Variants in TNR observed in about 807,000 individuals in gnomAD.
TNR encodes the protein tenascin-R.
Under a neutral mutation model 150.4 loss-of-function variants are expected in TNR, and 45 were observed. That is an observed-to-expected ratio of 0.30 (90% CI 0.24 to 0.38). TNR has a LOEUF of 0.38. TNR is among the 10% of genes least tolerant of loss of function. The pLI is 1.00. For synonymous variants in TNR, 687 were observed against 678.4 expected (o/e 1.01, Z -0.20); for missense variants, 1,544 against 1,759.1 (o/e 0.88, Z 2.19).
chr1:175,465,101 T>C (rs1308913406), intron 2 of TNR, among the ~76,000 whole-genome samples: 1 of 152,174 alleles, frequency 6.6e-6, no homozygotes, highest in Non-Finnish European at 1.5e-5. Context: ...CCAGGCATCA[T>C]GGAGAACTGA....
chr1:175,355,739 C>T (rs991108766), intron 16 of TNR, 106 bp from the exon 17 acceptor site: 84 of 1,491,166 alleles, frequency 5.6e-5, no homozygotes, highest in Non-Finnish European at 7.4e-5. Context: ...CTCAGGATTG[C>T]TCACATGCTG....
rs1339330356 is a variant in TNR at position 175,319,474 on chromosome 1, C to T, written c.*3883G>A. 1 of 152,210 alleles carries T rather than the reference C, an allele frequency of 6.6e-6. No individual in the cohort carries two copies. The highest frequency in any genetic ancestry group is 1.5e-5 in the Non-Finnish European group (1 of 68,040). 9.4% of individuals were successfully genotyped at this position (152,210 alleles called of 1,614,324 possible). A position where few individuals can be genotyped will look rare whatever the true frequency, so the allele number is the denominator to read the frequency against. On this transcript the variant is annotated 3_prime_UTR_variant, in exon 23 of 23. Transcript: ENST00000367674. Reference sequence around the variant, plus strand: ...ATGTGATTAGGATTGTTTGGTTTGGCATTGAGGTTATTGGCAACCATGGTT... The same window carrying T: ...ATGTGATTAGGATTGTTTGGTTTGGTATTGAGGTTATTGGCAACCATGGTT...
At chr1:175,720,183 G>C (rs1238952591) in intron 1 of TNR, among the ~76,000 whole-genome samples, 1 of 152,176 alleles carries the variant, frequency 6.6e-6, no homozygotes, top group Non-Finnish European at 1.5e-5. Context: ...AGGTCATAAG[G>C]GTAGGGCTCT....
At chr1:175,635,366 T>C (rs1387028502) in intron 1 of TNR, among the ~76,000 whole-genome samples, 2 of 152,248 alleles carry the variant, frequency 1.3e-5, no homozygotes, top group South Asian at 2.1e-4. Context: ...TCTAGTAGTT[T>C]GGAAATTCTC....
chr1:175,654,555 A>G (rs1418625997), intron 1 of TNR, among the ~76,000 whole-genome samples: 1 of 152,136 alleles, frequency 6.6e-6, no homozygotes, highest in Non-Finnish European at 1.5e-5. Context: ...CCCAAGACCC[A>G]GCAAAGCTGG....
At position 175,365,057 on chromosome 1, in the gene TNR, A is replaced by G; in HGVS notation, c.2540T>C (p.Val847Ala). 1 of 1,613,882 alleles carries G rather than the reference A, an allele frequency of 6.2e-7. No individual in the cohort carries two copies. Among genetic ancestry groups the G allele is most frequent in the East Asian group, 2.2e-5 (1 of 44,868 alleles). Reference sequence around the variant, plus strand: ...GGGCTCAGAGGTCACTGTGCCATGGACAGCCACAAGGTTCACAATATACTC... The same window carrying G: ...GGGCTCAGAGGTCACTGTGCCATGGGCAGCCACAAGGTTCACAATATACTC... ...ATEYIVNLVA[V>A]HGTVTSEPIV... is the part of the protein sequence containing the mutation. The change falls in exon 12 of 23, where the codon GTC becomes GCC. Residue 847 changes from valine to alanine, a missense_variant. This residue lies in a region of TNR where 1,254 missense variants were observed against 1,329.4 expected (regional missense o/e 0.94). Coordinates refer to ENST00000367674, the MANE Select transcript of TNR (RefSeq NM_003285.3).
intron 18 of TNR, among the ~76,000 whole-genome samples, chr1:175,340,186 T>C (rs1225106670): frequency 2.0e-5 from 3 of 152,222 alleles, no homozygotes; most frequent in Non-Finnish European, 4.4e-5. Flanking sequence ...CCATGCTTTC[T>C]TCCTTCCAGG....
chr1:175,712,549 C>A (rs962103870), intron 1 of TNR, among the ~76,000 whole-genome samples: 2 of 152,028 alleles, frequency 1.3e-5, no homozygotes, highest in African/African-American at 2.4e-5. Flanking sequence ...TTGATCCTGC[C>A]CAAATCTCAT....
chr1:175,332,614 T>C (rs574346998), intron 20 of TNR, among the ~76,000 whole-genome samples: 5 of 152,194 alleles, frequency 3.3e-5, no homozygotes, highest in Non-Finnish European at 7.3e-5. Context: ...ATTTTTAAGT[T>C]CCCTACTGTG....
chr1:175,331,006 T>A lies in TNR; in HGVS notation c.3632-771A>T, dbSNP rs372468808. 4.8e-3 allele frequency among the ~76,000 whole-genome samples: 194 copies of A among 40,544 alleles called. 5 individuals are homozygous for A. The highest frequency in any genetic ancestry group is 0.016 in the African/African-American group (174 of 10,706). 26.6% of individuals were successfully genotyped at this position (40,544 alleles called of 152,430 possible). On this transcript the variant is annotated intron_variant, in intron 20 of 22. Transcript: ENST00000367674. Reference sequence around the variant, plus strand: ...CCAGATCCCTCTTGGTGATTCTTTCTTTCTTTCTTTCTTTCTTTCTTTCTT... The same window carrying A: ...CCAGATCCCTCTTGGTGATTCTTTCATTCTTTCTTTCTTTCTTTCTTTCTT...
chr1:175,623,526 C>A (rs1459446563), intron 1 of TNR, among the ~76,000 whole-genome samples: 1 of 152,188 alleles, frequency 6.6e-6, no homozygotes, highest in African/African-American at 2.4e-5. Context: ...CTTTTTCTGG[C>A]CACATTGCTT....
chr1:175,453,655 T>G (rs774020520), intron 2 of TNR, among the ~76,000 whole-genome samples: 117 of 152,110 alleles, frequency 7.7e-4, no homozygotes, highest in Non-Finnish European at 1.5e-3. Flanking sequence ...TGAGCTCCTG[T>G]GCTCCTCCTG....
At position 175,386,272 on chromosome 1, in the gene TNR, G is replaced by A. The variant is rs866151516; in HGVS notation, c.1537C>T (p.Arg513Cys). ...VIDGPTQILV[R>C]DVSDTVAFVE... ...AAAGCCACAGTGTCCGAGACATCGC[G>A]AACCAGGATCTGCGTGGGGCCGTCA... The change falls in exon 8 of 23, where the codon CGC becomes TGC. Residue 513 changes from arginine to cysteine, a missense_variant. Physicochemically the swap from Arg to Cys is radical, Grantham distance 180. This residue lies in a region of TNR where 1,254 missense variants were observed against 1,329.4 expected (regional missense o/e 0.94). Transcript: ENST00000367674. 8 of 1,581,324 alleles carry A rather than the reference G, an allele frequency of 5.1e-6. No homozygotes were observed. Among genetic ancestry groups the A allele is most frequent in the East Asian group, 2.3e-5 (1 of 44,190 alleles).
intron 1 of TNR, among the ~76,000 whole-genome samples, chr1:175,683,852 A>G (rs1278271460): frequency 6.6e-6 from 1 of 152,228 alleles, no homozygotes; most frequent in Non-Finnish European, 1.5e-5. Context: ...ATAGCTGACA[A>G]TGAAGCAGTC....
intron 1 of TNR, among the ~76,000 whole-genome samples, chr1:175,535,843 G>GA (rs1557992493): frequency 1.3e-5 from 2 of 152,070 alleles, no homozygotes; most frequent in African/African-American, 2.4e-5. Context: ...AACTTATACG[G>GA]AAAAAACTGC....
chr1:175,403,377 C>T lies in TNR; in HGVS notation c.739G>A (p.Asp247Asn). Residue 247 changes from aspartate to asparagine, a missense_variant, in exon 4 of 23, where the codon GAC becomes AAC. Physicochemically the swap from Asp to Asn is conservative, Grantham distance 23 (BLOSUM62 1). Transcript: ENST00000367674. ...GGCTCTTCACAGACACACTCCCCGT[C>T]CACGCAGAGCCCCCGGGAGCTGCAG... is the stretch of plus-strand genomic sequence containing the variant. Reference protein sequence around the residue: ...TDCSSRGLCVDGECVCEEPYT... With the variant: ...TDCSSRGLCVNGECVCEEPYT... 6.2e-7 allele frequency: 1 copy of T among 1,614,154 alleles called. No homozygotes were observed.
intron 2 of TNR, among the ~76,000 whole-genome samples, chr1:175,408,304 A>C (rs1412967002): frequency 6.6e-6 from 1 of 152,366 alleles, no homozygotes; most frequent in East Asian, 1.9e-4. Context: ...AATTCATGAG[A>C]AAATGCTCAG....
At position 175,391,354 on chromosome 1, in the gene TNR, T is replaced by G; in HGVS notation, c.1441A>C (p.Ile481Leu). The G allele has an allele frequency of 6.2e-7, 1 of 1,614,156 alleles. No individual in the cohort carries two copies. Among genetic ancestry groups the G allele is most frequent in the South Asian group, 1.1e-5 (1 of 91,080 alleles). ...QTGLKPGEEY[I>L]VNVVALKEQA... Reference sequence around the variant, plus strand: ...TCTTTCAGAGCCACCACATTGACAATGTATTCCTCCCCAGGCTTTAGTCCT... The same window carrying G: ...TCTTTCAGAGCCACCACATTGACAAGGTATTCCTCCCCAGGCTTTAGTCCT... Residue 481 changes from isoleucine (I) to leucine (L), a missense_variant, in exon 7 of 23, where the codon ATT becomes CTT. Ile to Leu is a conservative substitution (Grantham distance 5). This residue lies in a region of TNR where 1,254 missense variants were observed against 1,329.4 expected (regional missense o/e 0.94). Transcript: ENST00000367674.
intron 21 of TNR, among the ~76,000 whole-genome samples, chr1:175,325,674 A>T (rs1361511361): frequency 1.3e-5 from 2 of 152,254 alleles, no homozygotes; most frequent in African/African-American, 4.8e-5. Context: ...TATACCATGG[A>T]ATACTATGCA....
Sources: gnomAD v4.1 joint callset for allele counts (sites outside exome capture counted in the v4.1 genomes callset) on GRCh38, gnomAD v4.1.1 for gene constraint, gnomAD v4.1.1 regional missense constraint, MANE v1.5 for transcripts, NCBI Gene and HGNC (gene_info 2026-07-23, HGNC 2026-07-21) for gene names.